PDE10A: variants seen among roughly 807,000 people sequenced by gnomAD.
PDE10A encodes phosphodiesterase 10A.
Under a neutral mutation model 97.7 loss-of-function variants are expected in PDE10A, and 39 were observed. The observed-to-expected ratio is 0.40, with a 90% CI of 0.31 to 0.52. The LOEUF (loss-of-function observed/expected upper bound fraction) is 0.52. PDE10A is among the 20% of genes least tolerant of loss of function. The pLI, the probability that PDE10A is intolerant of heterozygous loss-of-function variation, is 0.56. For synonymous variants in PDE10A, 371 were observed against 376.8 expected (o/e 0.98, Z 0.18); for missense variants, 731 against 1,047.8 (o/e 0.70, Z 4.17).
At chr6:165,665,204 G>C (rs372115123), upstream of PDE10A, among the ~76,000 whole-genome samples, 7 of 152,270 alleles carry the variant, frequency 4.6e-5, no homozygotes, top group East Asian at 1.4e-3. Context: ...CCTTCATACT[G>C]GTGTCCACGT....
intron 17 of PDE10A, among the ~76,000 whole-genome samples, chr6:165,381,661 T>A (rs1164051145): frequency 6.7e-6 from 1 of 150,148 alleles, no homozygotes; most frequent in Non-Finnish European, 1.5e-5. Flanking sequence ...TTTTGTATTT[T>A]TAGTAGAGAC....
At chr6:165,519,246 C>T (rs563897758) in intron 2 of PDE10A, among the ~76,000 whole-genome samples, 1 of 151,824 alleles carries the variant, frequency 6.6e-6, no homozygotes, top group Non-Finnish European at 1.5e-5. Context: ...CCGACTACCC[C>T]CAAGAGGAAG....
chr6:165,421,801 G>A (rs980043798), intron 10 of PDE10A, among the ~76,000 whole-genome samples: 3 of 152,190 alleles, frequency 2.0e-5, no homozygotes, highest in African/African-American at 4.8e-5. Context: ...AGGGGCTCAC[G>A]CTGTACTTCC....
chr6:165,392,639 C>A lies in PDE10A; in HGVS notation c.2454+7G>T. The A allele has an allele frequency of 6.2e-7, 1 of 1,612,684 alleles. No homozygotes were observed. The highest frequency in any genetic ancestry group is 8.5e-7 in the Non-Finnish European group (1 of 1,178,762). Reference sequence around the variant, plus strand: ...ACGAGAAACAGAGGTAAAGAGTGCACACCCACCTCAAGGTCTGTGAAAAGC... The same window carrying A: ...ACGAGAAACAGAGGTAAAGAGTGCAAACCCACCTCAAGGTCTGTGAAAAGC... On this transcript the variant is annotated splice_region_variant and intron_variant, in intron 16 of 21. Transcript: ENST00000539869.
chr6:165,423,654 T>A (rs544276610), intron 10 of PDE10A, among the ~76,000 whole-genome samples: 1 of 152,032 alleles, frequency 6.6e-6, no homozygotes, highest in East Asian at 1.9e-4. Flanking sequence ...GATCACGAGG[T>A]CAAGAGATTG....
intron 1 of PDE10A, among the ~76,000 whole-genome samples, chr6:165,791,654 G>A (rs992293900): frequency 4.6e-5 from 7 of 152,196 alleles, no homozygotes; most frequent in Admixed American, 2.6e-4. Flanking sequence ...AGGGAAGGAC[G>A]AAGATCAGCG....
rs559514689 is a variant in PDE10A at position 165,860,541 on chromosome 6, A to G, written c.-615+126988T>C. On this transcript the variant is annotated intron_variant, in intron 1 of 19. Coordinates refer to the PDE10A transcript ENST00000366882. ...GACCCTTGTTTACAGTGTGAGCTGG[A>G]ACAGGGACGCAGAACGGCAACTGTT... 9.2e-5 allele frequency among the ~76,000 whole-genome samples: 14 copies of G among 152,354 alleles called. No individual in the cohort carries two copies. The South Asian group carries it at 2.9e-3, about 32-fold the overall frequency.
intron 1 of PDE10A, among the ~76,000 whole-genome samples, chr6:165,907,123 C>A (rs1048926110): frequency 3.9e-5 from 6 of 152,204 alleles, no homozygotes; most frequent in African/African-American, 1.4e-4. Flanking sequence ...GGACAAGCAG[C>A]CTTGTTGGCT....
chr6:165,956,453 T>C (rs1409185180), intron 1 of PDE10A, among the ~76,000 whole-genome samples: 3 of 152,198 alleles, frequency 2.0e-5, no homozygotes, highest in African/African-American at 7.2e-5. Flanking sequence ...CTCTAAAAAC[T>C]GAACAGGAAT....
At chr6:165,577,823 G>T (rs1474232140) in intron 1 of PDE10A, among the ~76,000 whole-genome samples, 1 of 152,166 alleles carries the variant, frequency 6.6e-6, no homozygotes, top group Non-Finnish European at 1.5e-5. Context: ...TTCCGGCCTG[G>T]GCTTCCTAGG....
In PDE10A at chr6:165,620,962, G is replaced by A. The variant is rs552532096; in HGVS notation, c.865+40985C>T. 1.1e-4 allele frequency among the ~76,000 whole-genome samples: 17 copies of A among 151,146 alleles called. No homozygotes were observed. In the South Asian group the frequency reaches 1.9e-3, roughly 17 times the overall value. ...ATTGAACCTGGGAGGCAGAGGTTGC[G>A]GTGAGCCGAGATCCTGCCACTGCAC... On this transcript the variant is annotated intron_variant, in intron 1 of 21. Transcript: ENST00000539869.
At chr6:165,863,410 A>C (rs917699912) in intron 1 of PDE10A, among the ~76,000 whole-genome samples, 2 of 152,226 alleles carry the variant, frequency 1.3e-5, no homozygotes, top group Non-Finnish European at 2.9e-5. Flanking sequence ...TAATGTCATC[A>C]CTAGAAAGAA....
intron 1 of PDE10A, among the ~76,000 whole-genome samples, chr6:165,826,709 G>A (rs933544835): frequency 7.9e-5 from 12 of 151,844 alleles, no homozygotes; most frequent in East Asian, 1.9e-4. Context: ...GAGCGGGCGC[G>A]TGGTACTCTG....
At chr6:165,392,551 A>G (rs111504780) in intron 16 of PDE10A, 95 bp downstream of exon 16, 1 of 1,227,572 alleles carries the variant, frequency 8.1e-7, no homozygotes, top group Admixed American at 1.9e-5. Context: ...GTCTTGGAAT[A>G]ACATGTCACA....
At chr6:165,486,009 G>A (rs534441780) in intron 2 of PDE10A, among the ~76,000 whole-genome samples, 6 of 152,322 alleles carry the variant, frequency 3.9e-5, no homozygotes, top group Admixed American at 3.9e-4. Context: ...TTTAGGAGAG[G>A]CTGCAGTTCG....
At chr6:165,830,670 C>G (rs1233342647) in intron 1 of PDE10A, among the ~76,000 whole-genome samples, 1 of 152,162 alleles carries the variant, frequency 6.6e-6, no homozygotes. Flanking sequence ...ATGTCTTGTC[C>G]TTCCATGGAT....
chr6:165,881,593 TG>T (rs1425867442), intron 1 of PDE10A, among the ~76,000 whole-genome samples: 1 of 139,594 alleles, frequency 7.2e-6, no homozygotes, highest in Non-Finnish European at 1.5e-5. Flanking sequence ...TTTTTAGAGG[TG>T]GGGTTTCACC....
In PDE10A at chr6:165,719,279, G is replaced by A. The variant is rs140624381; in HGVS notation, c.-614-175711C>T. ...GCACACACTGGGGCAATGGATGGAA[G>A]GAGACTGGCCCAAGGAACGTTCCTG... On this transcript the variant is annotated intron_variant, in intron 1 of 19. Coordinates refer to the PDE10A transcript ENST00000366882. 1.7e-3 allele frequency among the ~76,000 whole-genome samples: 258 copies of A among 152,344 alleles called. 1 individual carries two copies. Among genetic ancestry groups the A allele is most frequent in the African/African-American group, 5.8e-3 (241 of 41,582 alleles).
chr6:165,583,185 A>G (rs1785713669), intron 1 of PDE10A, among the ~76,000 whole-genome samples: 1 of 152,252 alleles, frequency 6.6e-6, no homozygotes, highest in South Asian at 2.1e-4. Context: ...CTCATTTTAC[A>G]GAAGAGGAAA....
Sources: gnomAD v4.1 joint callset for allele counts (sites outside exome capture counted in the v4.1 genomes callset) on GRCh38, gnomAD v4.1.1 for gene constraint, MANE v1.5 for transcripts, NCBI Gene and HGNC (gene_info 2026-07-23, HGNC 2026-07-21) for gene names.